BAZ2A: variants seen among roughly 807,000 people sequenced by gnomAD.
The protein encoded by BAZ2A is bromodomain adjacent to zinc finger domain protein 2A.
Under a neutral mutation model 199.9 loss-of-function variants are expected in BAZ2A, and 34 were observed. That is an observed-to-expected ratio of 0.17 (90% confidence interval 0.13 to 0.23). BAZ2A has a LOEUF of 0.23. BAZ2A is among the 10% of genes least tolerant of loss of function. The pLI is 1.00. For synonymous variants in BAZ2A, 857 were observed against 883.9 expected, an observed-to-expected ratio of 0.97 and a Z score of 0.54; for missense variants, 2,002 against 2,391.1, an observed-to-expected ratio of 0.84 and a Z score of 3.39.
intron 1 of BAZ2A, among the ~76,000 whole-genome samples, chr12:56,625,785 A>G (rs904147299): frequency 6.8e-6 from 1 of 147,512 alleles, no homozygotes; most frequent in African/African-American, 2.5e-5. Context: ...CTGAGGCAGG[A>G]GAATGGCGTG....
intron 1 of BAZ2A, among the ~76,000 whole-genome samples, chr12:56,623,235 C>CA (rs1312635337): frequency 2.0e-3 from 240 of 118,802 alleles, no homozygotes; most frequent in Admixed American, 3.0e-3. Context: ...GACTCCATCT[C>CA]AAAAAAAAAA....
rs1484379382 is a variant in BAZ2A at position 56,603,402 on chromosome 12, G to A, written c.3236C>T (p.Ser1079Phe). The A allele has an allele frequency of 4.3e-6, 7 of 1,614,052 alleles. No individual in the cohort carries two copies. The highest frequency in any genetic ancestry group is 1.6e-4 in the Middle Eastern group (1 of 6,062). The change falls in exon 18 of 29, where the codon TCT becomes TTT. Residue 1079 changes from serine (S) to phenylalanine (F), a missense_variant. Ser to Phe is a radical substitution (Grantham distance 155). Coordinates refer to ENST00000549884, the MANE Select transcript of BAZ2A (RefSeq NM_001300905.2). Reference sequence around the variant, plus strand: ...CTGGCGCTCTAGCTCTGGGATGCTAGATGCTGTGGCATCAACCTAGGGAGA... The same window carrying A: ...CTGGCGCTCTAGCTCTGGGATGCTAAATGCTGTGGCATCAACCTAGGGAGA... ...RRDGEVDATA[S>F]SIPELERQIE...
chr12:56,621,106 T>C, intron 1 of BAZ2A: 1 of 985,332 alleles, frequency 1.0e-6, no homozygotes, highest in Non-Finnish European at 1.2e-6. Flanking sequence ...TCTCCCCAGT[T>C]TTTTGTACAC....
rs769450067 is a variant in BAZ2A, at chr12:56,602,856, C to T, written c.3281G>A (p.Arg1094His). 1.6e-5 allele frequency: 25 copies of T among 1,608,878 alleles called. No individual in the cohort carries two copies. Among genetic ancestry groups the T allele is most frequent in the East Asian group, 2.2e-5 (1 of 44,770 alleles). Reference sequence around the variant, plus strand: ...CAGCTTTTTGCGAAAGAAAAGCTGACGCTGGGTAGACAATGAAAATGAAGA... The same window carrying T: ...CAGCTTTTTGCGAAAGAAAAGCTGATGCTGGGTAGACAATGAAAATGAAGA... The part of the protein sequence containing the change: ...LERQIEKLSK[R>H]QLFFRKKLLH... The change falls in exon 19 of 29, where the codon CGT (arginine) becomes CAT (histidine). Residue 1094 changes from arginine to histidine, a missense_variant and splice_region_variant. Physicochemically the swap from Arg to His is conservative, Grantham distance 29. This residue lies in a region of BAZ2A where 1,081 missense variants were observed against 1,274.7 expected (regional missense o/e 0.85). Coordinates refer to ENST00000549884, the MANE Select transcript of BAZ2A (RefSeq NM_001300905.2).
chr12:56,611,062 A>G (rs1950543509), intron 7 of BAZ2A, among the ~76,000 whole-genome samples: 2 of 152,172 alleles, frequency 1.3e-5, no homozygotes, highest in African/African-American at 4.8e-5. Flanking sequence ...CTTGGTGACC[A>G]CAAGTAGCCT....
intron 10 of BAZ2A, among the ~76,000 whole-genome samples, chr12:56,608,362 ACT>A (rs1282864720): frequency 2.0e-5 from 3 of 148,840 alleles, no homozygotes; most frequent in African/African-American, 7.4e-5. Context: ...ACAGAGTAAG[ACT>A]CTGTCTCAAA....
Position 56,612,109 on chromosome 12 carries a change from G to T in BAZ2A, c.1273C>A (p.Pro425Thr), listed in dbSNP as rs1410359018. 6.2e-7 allele frequency: 1 copy of T among 1,613,776 alleles called. No homozygotes were observed. The highest frequency in any genetic ancestry group is 8.5e-7 in the Non-Finnish European group (1 of 1,179,868). The change falls in exon 6 of 29, where the codon CCA (proline) becomes ACA (threonine). Residue 425 changes from proline (P) to threonine (T), a missense_variant. Pro to Thr is a conservative substitution (Grantham distance 38, BLOSUM62 -1). Coordinates refer to ENST00000549884, the MANE Select transcript of BAZ2A (RefSeq NM_001300905.2). ...GGGGAGGTTGTTGGCGAGACTGCTG[G>T]TGAGGTTGCTGGATGTAGCTGAATA... Reference protein sequence around the residue: ...STIQLHPATSPAVSPTTSPAV... With the variant: ...STIQLHPATSTAVSPTTSPAV...
chr12:56,610,026 G>T, intron 9 of BAZ2A, 80 bp from the exon 10 acceptor site: 1 of 1,600,852 alleles, frequency 6.2e-7, no homozygotes, highest in Admixed American at 1.7e-5. Context: ...CAATGCCCCA[G>T]AACCTTCAAA....
chr12:56,601,123 G>A, intron 21 of BAZ2A, 25 bp from the exon 22 acceptor site: 3 of 1,613,732 alleles, frequency 1.9e-6, no homozygotes, highest in South Asian at 2.2e-5. Flanking sequence ...GATATATGTG[G>A]GGCGCCAGCT....
rs1273997247 is a variant in BAZ2A at position 56,618,158 on chromosome 12, A to G, written c.-2-626T>C. Among the ~76,000 whole-genome samples the G allele has an allele frequency of 2.6e-5, 4 of 152,048 alleles. No homozygotes were observed. In the East Asian group the frequency reaches 7.7e-4, roughly 29 times the overall value. On this transcript the variant is annotated intron_variant, in intron 1 of 28. Transcript: ENST00000549884. The stretch of plus-strand genomic sequence containing the variant: ...CCTCGAATCATCCAGCAATACTTCT[A>G]CTCTTTATGCTCCCCAAGAACACAG...
At chr12:56,610,038 C>T (rs1950509500) in intron 9 of BAZ2A, 76 bp downstream of exon 9, 7 of 1,601,636 alleles carry the variant, frequency 4.4e-6, no homozygotes, top group South Asian at 1.1e-5. Flanking sequence ...ACCTTCAAAC[C>T]CCACGAGAGG....
chr12:56,605,292 T>C lies in BAZ2A; in HGVS notation c.2529A>G (p.Thr843=). 1 of 1,613,412 alleles carries C rather than the reference T, an allele frequency of 6.2e-7. No individual in the cohort carries two copies. The highest frequency in any genetic ancestry group is 1.6e-4 in the Middle Eastern group (1 of 6,062). ...LPDFSRVPGL[T]LPSGAFSDCL... ...AGTCTGAGAAGGCTCCACTGGGCAA[T>C]GTCAGACCAGGGACTCGTGAGAAGT... The change falls in exon 14 of 29, where the codon ACA becomes ACG. Residue 843 remains threonine (T), a synonymous_variant. Coordinates refer to ENST00000549884, the MANE Select transcript of BAZ2A (RefSeq NM_001300905.2).
chr12:56,636,227 C>T, exon 1 of BAZ2A: 1 of 1,585,214 alleles, frequency 6.3e-7, no homozygotes, highest in South Asian at 1.2e-5. Flanking sequence ...CCCAGCTCCT[C>T]ACTGTCCTTG....
At chr12:56,637,079 A>G (rs1275114967), upstream of BAZ2A, among the ~76,000 whole-genome samples, 1 of 152,228 alleles carries the variant, frequency 6.6e-6, no homozygotes, top group Non-Finnish European at 1.5e-5. Flanking sequence ...GCTCCTCCCC[A>G]GGACAAAAGC....
At chr12:56,599,444 G>C (rs1377671728) in intron 26 of BAZ2A, 86 bp from the exon 27 acceptor site, 23 of 1,441,306 alleles carry the variant, frequency 1.6e-5, no homozygotes, top group Non-Finnish European at 2.0e-5. Context: ...ATGATTTAAG[G>C]CTTCAAAATA....
chr12:56,598,560 G>C lies in BAZ2A; in HGVS notation c.*58C>G, dbSNP rs537291849. ...GCAGCATCAGCAGGTGAAAATGGCA[G>C]GTTTTTGTTTGGAAGGTGGGGGGAG... On this transcript the variant is annotated 3_prime_UTR_variant, in exon 29 of 29. Coordinates refer to ENST00000549884, the MANE Select transcript of BAZ2A (RefSeq NM_001300905.2). The C allele has an allele frequency of 1.8e-5, 28 of 1,574,144 alleles. No homozygotes were observed. In the South Asian group the frequency reaches 2.5e-4, roughly 14 times the overall value.
chr12:56,613,819 T>C (rs1033385898), intron 4 of BAZ2A, 134 bp downstream of exon 4: 12 of 846,366 alleles, frequency 1.4e-5, no homozygotes, highest in Admixed American at 2.9e-5. Context: ...CATGTAACTG[T>C]GGTCTGCCTT....
Position 56,617,435 on chromosome 12 carries a change from G to A in BAZ2A, c.96C>T (p.Tyr32=), listed in dbSNP as rs2137109715. 2 of 1,605,956 alleles carry A rather than the reference G, an allele frequency of 1.2e-6. No individual in the cohort carries two copies. The highest frequency in any genetic ancestry group is 1.7e-6 in the Non-Finnish European group (2 of 1,176,364). ...KPSPSSGEGL[Y]TNGSPMNFPQ... ...GGAAGTTCATGGGAGACCCGTTAGT[G>A]TAGAGGCCCTCCCCTGAGGAAGGAG... The change falls in exon 2 of 29, where the codon TAC becomes TAT. Residue 32 remains tyrosine, a synonymous_variant. Coordinates refer to ENST00000549884, the MANE Select transcript of BAZ2A (RefSeq NM_001300905.2).
intron 10 of BAZ2A, 60 bp downstream of exon 10, chr12:56,609,676 T>G: frequency 6.6e-7 from 1 of 1,506,264 alleles, no homozygotes; most frequent in East Asian, 2.3e-5. Context: ...TAGCAATTCA[T>G]CAACATTTTA....
Sources: allele counts gnomAD v4.1 joint callset (sites outside exome capture counted in the v4.1 genomes callset), GRCh38; gene constraint gnomAD v4.1.1; regional missense constraint gnomAD v4.1.1; transcripts MANE v1.5; gene names NCBI Gene and HGNC (gene_info 2026-07-23, HGNC 2026-07-21).